The following RAI14 variants were observed in gnomAD, a reference collection of about 807,000 sequenced individuals.
RAI14 encodes ankycorbin.
RAI14 carries 45 observed loss-of-function variants against 115.4 expected under a neutral mutation model. That is an observed-to-expected ratio of 0.39 (90% CI 0.31 to 0.50). The LOEUF is 0.50. Ranked by LOEUF, RAI14 falls within the 20% of genes least tolerant of loss-of-function variation. RAI14 has a pLI of 0.85. For missense variants in RAI14, 939 were observed against 1,131.2 expected, an observed-to-expected ratio of 0.83 and a Z score of 2.44; for synonymous variants, 371 against 415.4, an observed-to-expected ratio of 0.89 and a Z score of 1.30.
intron 2 of RAI14, among the ~76,000 whole-genome samples, chr5:34,753,618 G>A (rs1296442321): frequency 1.3e-5 from 2 of 151,838 alleles, no homozygotes; most frequent in Non-Finnish European, 2.9e-5. Flanking sequence ...CATCTCTACT[G>A]AAAATACAAA....
intron 2 of RAI14, chr5:34,688,279 G>A: frequency 6.6e-7 from 1 of 1,515,316 alleles, no homozygotes; most frequent in South Asian, 1.2e-5. Flanking sequence ...GCCCAATTCA[G>A]CAGATAGGGG....
chr5:34,721,697 C>T (rs1196609652), intron 2 of RAI14, among the ~76,000 whole-genome samples: 3 of 151,950 alleles, frequency 2.0e-5, no homozygotes, highest in Admixed American at 1.3e-4. Context: ...AATATAAGTT[C>T]GTGTTTTTCT....
At chr5:34,750,848 A>ATTTTT (rs869028180) in intron 2 of RAI14, among the ~76,000 whole-genome samples, 4,153 of 83,436 alleles carry the variant, frequency 0.05, 307 homozygotes, top group South Asian at 0.083. Context: ...TTGCTTTATC[A>ATTTTT]TTTTTTTTTT....
chr5:34,697,110 G>A (rs1363901497), intron 2 of RAI14, among the ~76,000 whole-genome samples: 1 of 149,842 alleles, frequency 6.7e-6, no homozygotes, highest in Non-Finnish European at 1.5e-5. Context: ...TAGCCTGGCC[G>A]ACAGAGTAAG....
In RAI14 at chr5:34,757,582, A is replaced by G; in HGVS notation, c.151A>G (p.Ser51Gly). ...GGGGGCCAGTGCCACCAAACACGAC[A>G]GTGAGGGCAAGACCGCGTAAGCTGA... The part of the protein sequence containing the change: ...KKGASATKHD[S>G]EGKTAFHLAA... Residue 51 changes from serine to glycine, a missense_variant, in exon 3 of 18, where the codon AGT becomes GGT. Transcript: ENST00000265109. 1 of 1,612,804 alleles carries G rather than the reference A, an allele frequency of 6.2e-7. No homozygotes were observed. Among genetic ancestry groups the G allele is most frequent in the Non-Finnish European group, 8.5e-7 (1 of 1,179,542 alleles).
At chr5:34,743,655 T>C (rs1202828272) in intron 2 of RAI14, among the ~76,000 whole-genome samples, 1 of 152,180 alleles carries the variant, frequency 6.6e-6, no homozygotes, top group Admixed American at 6.5e-5. Flanking sequence ...TACCCTAACC[T>C]TGGGGTCCCC....
rs1019745278 is a variant in RAI14, at chr5:34,791,341, G to C, written c.168-4598G>C. ...AGGTGTATTCTTGAACCCTTTAAACGGGTCTCTACTTTGGCCTAAGACCAT... is the reference window on the plus strand; with the variant it reads ...AGGTGTATTCTTGAACCCTTTAAACCGGTCTCTACTTTGGCCTAAGACCAT... On this transcript the variant is annotated intron_variant, in intron 3 of 17. Coordinates refer to ENST00000265109, the MANE Select transcript of RAI14 (RefSeq NM_015577.3). The surrounding 1 kb of genome is among the most constrained non-coding windows in gnomAD (Gnocchi z 5.4). Among the ~76,000 whole-genome samples the C allele has an allele frequency of 6.6e-6, 1 of 151,266 alleles. No homozygotes were observed. The highest frequency in any genetic ancestry group is 2.5e-5 in the African/African-American group (1 of 40,714).
rs187347679 is a variant in RAI14 at position 34,798,470 on chromosome 5, T to A, written c.256+2443T>A. Among the ~76,000 whole-genome samples, 295 of 152,324 alleles carry A rather than the reference T, an allele frequency of 1.9e-3. 2 individuals carry two copies. The highest frequency in any genetic ancestry group is 6.9e-3 in the African/African-American group (287 of 41,582). On this transcript the variant is annotated intron_variant, in intron 4 of 17. Coordinates refer to ENST00000265109, the MANE Select transcript of RAI14 (RefSeq NM_015577.3). The stretch of plus-strand genomic sequence containing the variant: ...GAAAAAAAATATTTCTATTTTGTTG[T>A]ATTTCCTTCCAGATTGTCCCAATAC...
At chr5:34,720,093 T>C (rs1004837774) in intron 2 of RAI14, among the ~76,000 whole-genome samples, 2 of 152,222 alleles carry the variant, frequency 1.3e-5, no homozygotes, top group East Asian at 1.9e-4. Context: ...GAATTCTTCC[T>C]TATGATATTA....
intron 2 of RAI14, among the ~76,000 whole-genome samples, chr5:34,711,310 G>A (rs973353257): frequency 3.3e-5 from 5 of 151,042 alleles, no homozygotes; most frequent in Non-Finnish European, 7.4e-5. Context: ...TTGCCGGCAG[G>A]GGGTGGATCT....
chr5:34,670,742 T>C (rs1743555292), intron 1 of RAI14, among the ~76,000 whole-genome samples: 1 of 152,250 alleles, frequency 6.6e-6, no homozygotes, highest in African/African-American at 2.4e-5. Flanking sequence ...ATTATGTCAT[T>C]GTGTAATGTG....
chr5:34,743,120 T>A (rs1388007954), intron 2 of RAI14, among the ~76,000 whole-genome samples: 1 of 152,170 alleles, frequency 6.6e-6, no homozygotes, highest in East Asian at 1.9e-4. Context: ...GAGCAAACCC[T>A]CTCCATGTGT....
At chr5:34,721,703 T>G (rs113920581) in intron 2 of RAI14, among the ~76,000 whole-genome samples, 4 of 152,292 alleles carry the variant, frequency 2.6e-5, no homozygotes, top group Admixed American at 2.6e-4. Flanking sequence ...AGTTCGTGTT[T>G]TTCTTGAACG....
intron 2 of RAI14, among the ~76,000 whole-genome samples, chr5:34,723,099 C>CAAAA (rs34763264): frequency 3.0e-4 from 26 of 85,632 alleles, no homozygotes; most frequent in South Asian, 2.8e-3. Flanking sequence ...GACCCTGTCT[C>CAAAA]AAAAAAAAAA....
chr5:34,823,356 A>G lies in RAI14; in HGVS notation c.1514A>G (p.Gln505Arg). Residue 505 changes from glutamine (Q) to arginine (R), a missense_variant, in exon 15 of 18, where the codon CAG becomes CGG. Coordinates refer to ENST00000265109, the MANE Select transcript of RAI14 (RefSeq NM_015577.3). The surrounding 1 kb of genome is among the most constrained non-coding windows in gnomAD (Gnocchi z 4.5). ...AAAGAAGTCCTTAGTGTGCAGAAGC[A>G]GATGAAACTCGGTCTTGTCTCACCT... ...AMKEVLSVQK[Q>R]MKLGLVSPES... 1.2e-6 allele frequency: 2 copies of G among 1,614,084 alleles called. No homozygotes were observed. Among genetic ancestry groups the G allele is most frequent in the Non-Finnish European group, 1.7e-6 (2 of 1,180,040 alleles).
intron 4 of RAI14, among the ~76,000 whole-genome samples, chr5:34,797,929 A>G (rs921885828): frequency 6.6e-6 from 1 of 152,244 alleles, no homozygotes; most frequent in Admixed American, 6.5e-5. Flanking sequence ...TGTACTTGAT[A>G]TTAAGAAATA....
At chr5:34,830,212 G>C (rs1757887753) in intron 17 of RAI14, among the ~76,000 whole-genome samples, 1 of 152,122 alleles carries the variant, frequency 6.6e-6, no homozygotes, top group Non-Finnish European at 1.5e-5. Flanking sequence ...TCAAACTCCT[G>C]AGCTCAAGCA....
At chr5:34,661,432 G>A (rs1742681516) in intron 1 of RAI14, among the ~76,000 whole-genome samples, 1 of 152,010 alleles carries the variant, frequency 6.6e-6, no homozygotes. Flanking sequence ...TATGCTTTTT[G>A]TTGTTATTTT....
chr5:34,815,446 C>T (rs991587911), intron 12 of RAI14, among the ~76,000 whole-genome samples: 1 of 151,902 alleles, frequency 6.6e-6, no homozygotes, highest in African/African-American at 2.4e-5. Context: ...ACCTGTAGTC[C>T]CAGCTACTCA....
Sources: gnomAD v4.1 joint callset for allele counts (sites outside exome capture counted in the v4.1 genomes callset) on GRCh38, gnomAD v4.1.1 for gene constraint, Gnocchi (gnomAD v3.1) non-coding constraint, MANE v1.5 for transcripts, NCBI Gene and HGNC (gene_info 2026-07-23, HGNC 2026-07-21) for gene names.